LGR4: variants seen among roughly 807,000 people sequenced by gnomAD.
LGR4 encodes the protein leucine rich repeat containing G protein-coupled receptor 4.
LGR4 carries 44 observed loss-of-function variants against 84.8 expected under a neutral mutation model. The observed-to-expected ratio is 0.52, with a 90% CI of 0.41 to 0.67. The LOEUF (loss-of-function observed/expected upper bound fraction) is 0.67. Ranked by LOEUF, LGR4 falls within the 30% of genes least tolerant of loss-of-function variation. The pLI is 0.00. For missense variants in LGR4, 1,032 were observed against 1,131.4 expected (o/e 0.91, Z 1.26); for synonymous variants, 429 against 434.3 (o/e 0.99, Z 0.15).
At chr11:27,419,274 CA>C (rs1213218475) in intron 1 of LGR4, among the ~76,000 whole-genome samples, 3 of 151,860 alleles carry the variant, frequency 2.0e-5, no homozygotes, top group African/African-American at 7.3e-5. Context: ...GATACTTCAC[CA>C]AATAAGATAC....
intron 2 of LGR4, among the ~76,000 whole-genome samples, chr11:27,397,865 T>C (rs1863418456): frequency 6.6e-6 from 1 of 152,112 alleles, no homozygotes. Flanking sequence ...ACTTACTCTG[T>C]TTGCTACAAC....
chr11:27,392,541 T>C (rs747567127), intron 2 of LGR4, 23 bp from the exon 3 acceptor site: 3 of 1,349,094 alleles, frequency 2.2e-6, no homozygotes, highest in Non-Finnish European at 3.1e-6. Flanking sequence ...AAAAAAAAAG[T>C]AGCAAGAAAA....
Position 27,412,839 on chromosome 11 carries a change from A to G in LGR4, c.207T>C (p.Ile69=), listed in dbSNP as rs757932596. The G allele has an allele frequency of 5.6e-6, 9 of 1,602,020 alleles. No individual in the cohort carries two copies. Among genetic ancestry groups the G allele is most frequent in the South Asian group, 1.1e-5 (1 of 90,832 alleles). ...TAAATGCATCTTCTGGCAACTGAGT[A>G]ATGTTGTTCATACTGATATCCCTGG... The part of the protein sequence containing the change: ...TQALDISMNN[I]TQLPEDAFKN... The change falls in exon 2 of 18, where the codon ATT becomes ATC. Residue 69 remains isoleucine, a synonymous_variant. Transcript: ENST00000379214.
intron 1 of LGR4, among the ~76,000 whole-genome samples, chr11:27,440,574 A>G (rs1237879552): frequency 6.6e-6 from 1 of 152,186 alleles, no homozygotes; most frequent in East Asian, 1.9e-4. Context: ...GTAGTTTTGC[A>G]TACTTACATG....
intron 1 of LGR4, among the ~76,000 whole-genome samples, chr11:27,460,886 C>T (rs1416269369): frequency 2.0e-5 from 3 of 151,902 alleles, no homozygotes; most frequent in Non-Finnish European, 4.4e-5. Flanking sequence ...GGAAAAACAT[C>T]TCAAACTTTT....
At chr11:27,467,841 T>C (rs1864808060) in intron 1 of LGR4, among the ~76,000 whole-genome samples, 1 of 152,190 alleles carries the variant, frequency 6.6e-6, no homozygotes. Flanking sequence ...CTTAAAGATA[T>C]TCATACATCG....
chr11:27,455,333 C>A (rs1486978779), intron 1 of LGR4, among the ~76,000 whole-genome samples: 2 of 152,056 alleles, frequency 1.3e-5, no homozygotes, highest in Non-Finnish European at 2.9e-5. Context: ...TGAGCCAGAT[C>A]AACTGCCAGC....
intron 1 of LGR4, among the ~76,000 whole-genome samples, chr11:27,418,930 G>A (rs2133406272): frequency 6.6e-6 from 1 of 151,262 alleles, no homozygotes; most frequent in Middle Eastern, 3.4e-3. Flanking sequence ...AACTGCCCAG[G>A]CTCAAGCAAT....
intron 14 of LGR4, 105 bp downstream of exon 14, chr11:27,373,870 G>A (rs1862929402): frequency 3.9e-6 from 4 of 1,036,072 alleles, no homozygotes; most frequent in Admixed American, 1.8e-5. Flanking sequence ...TTTATACAAG[G>A]GAATAACTAA....
chr11:27,370,005 T>C (rs1862850343), intron 17 of LGR4, among the ~76,000 whole-genome samples: 1 of 152,226 alleles, frequency 6.6e-6, no homozygotes, highest in Non-Finnish European at 1.5e-5. Flanking sequence ...ATTCAGTCGC[T>C]GAACTCCATG....
chr11:27,392,524 GAAA>G lies in LGR4; in HGVS notation c.258-9_258-7del, dbSNP rs753491752. ...GGTCGTTGCCCGCCAATTGTCTAGA[GAAA>G]AAAAAAAAAAAAGTAGCAAGAAAAA... On this transcript the variant is annotated splice_region_variant and splice_polypyrimidine_tract_variant and intron_variant, in intron 2 of 17. Coordinates refer to ENST00000379214, the MANE Select transcript of LGR4 (RefSeq NM_018490.5). 8.7e-4 allele frequency: 1,082 copies of G among 1,243,302 alleles called. No individual in the cohort carries two copies. Among genetic ancestry groups the G allele is most frequent in the Admixed American group, 1.1e-3 (31 of 28,578 alleles). 77.0% of individuals were successfully genotyped at this position (1,243,302 alleles called of 1,614,324 possible).
At position 27,393,138 on chromosome 11, in the gene LGR4, T is replaced by C. The variant is rs969037141; in HGVS notation, c.258-620A>G. Among the ~76,000 whole-genome samples the C allele has an allele frequency of 1.2e-3, 189 of 152,294 alleles. 3 individuals are homozygous for C. Among genetic ancestry groups the C allele is most frequent in the Middle Eastern group, 6.8e-3 (2 of 294 alleles). Reference sequence around the variant, plus strand: ...AAGTAGAATAAGGAAAGGATAAGAATTCTTTGGATCCTTTTGTAAGAAATC... The same window carrying C: ...AAGTAGAATAAGGAAAGGATAAGAACTCTTTGGATCCTTTTGTAAGAAATC... On this transcript the variant is annotated intron_variant, in intron 2 of 17. Transcript: ENST00000379214.
Position 27,373,997 on chromosome 11 carries a change from T to C in LGR4, c.1231A>G (p.Thr411Ala), listed in dbSNP as rs747267765. The C allele has an allele frequency of 6.2e-7, 1 of 1,611,790 alleles. No homozygotes were observed. Residue 411 changes from threonine (T) to alanine (A), a missense_variant, in exon 14 of 18, where the codon ACA becomes GCA. By Grantham distance (58) the Thr-to-Ala change is moderately conservative. Coordinates refer to ENST00000379214, the MANE Select transcript of LGR4 (RefSeq NM_018490.5). Reference sequence around the variant, plus strand: ...TACAGGTTAGTTATTGGCCCAAGTGTGGCAAAAGCTCTACTGTGAATTTCA... The same window carrying C: ...TACAGGTTAGTTATTGGCCCAAGTGCGGCAAAAGCTCTACTGTGAATTTCA... ...IHEIHSRAFA[T>A]LGPITNLDVS...
intron 1 of LGR4, among the ~76,000 whole-genome samples, chr11:27,432,939 A>C (rs1216562706): frequency 6.6e-6 from 1 of 152,188 alleles, no homozygotes; most frequent in East Asian, 1.9e-4. Context: ...AACTGTTAAC[A>C]TTCCACAATG....
At chr11:27,458,268 A>G (rs1864610563) in intron 1 of LGR4, among the ~76,000 whole-genome samples, 1 of 152,220 alleles carries the variant, frequency 6.6e-6, no homozygotes, top group South Asian at 2.1e-4. Flanking sequence ...CATCCTAATA[A>G]AGGCAAAACT....
intron 1 of LGR4, among the ~76,000 whole-genome samples, chr11:27,435,923 T>G (rs1438230664): frequency 1.3e-5 from 2 of 151,892 alleles, no homozygotes; most frequent in African/African-American, 4.8e-5. Flanking sequence ...TTCTTTTTTT[T>G]TTTTTGAGAC....
At chr11:27,417,229 G>A (rs533872277) in intron 1 of LGR4, among the ~76,000 whole-genome samples, 1 of 151,794 alleles carries the variant, frequency 6.6e-6, no homozygotes, top group Non-Finnish European at 1.5e-5. Flanking sequence ...AGAACACAGG[G>A]TTCTCTAAAA....
At chr11:27,435,488 G>T (rs73448011) in intron 1 of LGR4, among the ~76,000 whole-genome samples, 1 of 151,264 alleles carries the variant, frequency 6.6e-6, no homozygotes, top group African/African-American at 2.4e-5. Context: ...CTGTTCATCA[G>T]CTACTTTTTT....
At position 27,442,398 on chromosome 11, in the gene LGR4, A is replaced by T. The variant is rs530635067; in HGVS notation, c.186-29538T>A. 9.2e-5 allele frequency among the ~76,000 whole-genome samples: 14 copies of T among 152,332 alleles called. No homozygotes were observed. In the South Asian group the frequency reaches 1.2e-3, roughly 14 times the overall value. Reference sequence around the variant, plus strand: ...TTCAACTAATAACTTAGTCCCATGCAGCTACACAACTACGTTACCTACCTT... The same window carrying T: ...TTCAACTAATAACTTAGTCCCATGCTGCTACACAACTACGTTACCTACCTT... On this transcript the variant is annotated intron_variant, in intron 1 of 17. Transcript: ENST00000379214.
Sources: gnomAD v4.1 joint callset for allele counts (sites outside exome capture counted in the v4.1 genomes callset) on GRCh38, gnomAD v4.1.1 for gene constraint, MANE v1.5 for transcripts, NCBI Gene and HGNC (gene_info 2026-07-23, HGNC 2026-07-21) for gene names.